GRHL2: variants seen among roughly 807,000 people sequenced by gnomAD.
The protein encoded by GRHL2 is grainyhead like transcription factor 2.
In GRHL2, 21 loss-of-function variants were observed where a neutral mutation model predicts 83.8. The ratio of observed to expected loss-of-function variants is 0.25; its 90% CI spans 0.18 to 0.36. The LOEUF (loss-of-function observed/expected upper bound fraction) is 0.36, where lower values mean the gene tolerates loss of function less well. Among genes scored for constraint, GRHL2 ranks in the 10% least tolerant of loss-of-function variants. The pLI is 1.00. For synonymous variants in GRHL2, 280 were observed against 278.9 expected, an observed-to-expected ratio of 1.00 and a Z score of -0.04; for missense variants, 623 against 781.8, an observed-to-expected ratio of 0.80 and a Z score of 2.42.
intron 7 of GRHL2, among the ~76,000 whole-genome samples, chr8:101,591,319 CTT>C (rs1430924342): frequency 6.6e-6 from 1 of 152,174 alleles, no homozygotes; most frequent in Admixed American, 6.5e-5. Flanking sequence ...ACTGACACCT[CTT>C]GTTTTCTTAG....
At chr8:101,500,370 A>AG (rs1406185976) in intron 1 of GRHL2, among the ~76,000 whole-genome samples, 5 of 152,064 alleles carry the variant, frequency 3.3e-5, no homozygotes, top group Non-Finnish European at 7.4e-5. Flanking sequence ...CTGCCTGCAT[A>AG]GTTTCTTCCT....
At chr8:101,626,999 G>A (rs2130387345) in intron 9 of GRHL2, among the ~76,000 whole-genome samples, 1 of 152,094 alleles carries the variant, frequency 6.6e-6, no homozygotes, top group East Asian at 1.9e-4. Context: ...CTGATAGCTG[G>A]GCATTCTGGG....
chr8:101,601,212 C>A (rs5010125), intron 8 of GRHL2, among the ~76,000 whole-genome samples: 20,067 of 149,904 alleles, frequency 0.13, 1,483 homozygotes, highest in Non-Finnish European at 0.17. Context: ...ACCACCACCA[C>A]CACCAACAAC....
chr8:101,519,458 G>A (rs1006872216), intron 1 of GRHL2, among the ~76,000 whole-genome samples: 2 of 151,780 alleles, frequency 1.3e-5, no homozygotes, highest in African/African-American at 4.8e-5. Flanking sequence ...GAGTCCAGTG[G>A]TGTGATCATA....
At chr8:101,618,605 G>A (rs926965124) in intron 8 of GRHL2, among the ~76,000 whole-genome samples, 1 of 151,878 alleles carries the variant, frequency 6.6e-6, no homozygotes, top group Non-Finnish European at 1.5e-5. Flanking sequence ...TGTTACAGCT[G>A]GAGCTAAAAC....
chr8:101,642,625 A>G (rs36094595), intron 12 of GRHL2, among the ~76,000 whole-genome samples: 3 of 152,090 alleles, frequency 2.0e-5, no homozygotes, highest in Admixed American at 6.5e-5. Flanking sequence ...AAAAACTTCA[A>G]TAAGTTACCA....
chr8:101,672,640 A>C (rs1814229045), downstream of GRHL2, among the ~76,000 whole-genome samples: 1 of 150,516 alleles, frequency 6.6e-6, no homozygotes, highest in African/African-American at 2.5e-5. Flanking sequence ...GCAGGATATT[A>C]TCCAGAGAAC....
chr8:101,610,862 G>A (rs1161835611), intron 8 of GRHL2, among the ~76,000 whole-genome samples: 2 of 150,932 alleles, frequency 1.3e-5, no homozygotes, highest in Non-Finnish European at 2.9e-5. Context: ...GGAAGGAAAA[G>A]CAAGTTTATT....
At chr8:101,531,823 G>GGA (rs141915427) in intron 1 of GRHL2, among the ~76,000 whole-genome samples, 1,851 of 151,416 alleles carry the variant, frequency 0.012, 31 homozygotes, top group African/African-American at 0.042. Flanking sequence ...AGGGGGTGGG[G>GGA]GAGAGAGAGA....
At position 101,644,238 on chromosome 8, in the gene GRHL2, C is replaced by T. The variant is rs1813463556; in HGVS notation, c.1612+13C>T. 1 of 1,602,224 alleles carries T rather than the reference C, an allele frequency of 6.2e-7. No homozygotes were observed. The highest frequency in any genetic ancestry group is 2.2e-5 in the East Asian group (1 of 44,702). On this transcript the variant is annotated intron_variant, in intron 13 of 15. Transcript: ENST00000646743. Reference sequence around the variant, plus strand: ...GGGACAAAGCGAGGTATCTCTCCTGCTGGGGCATGCCCTCTCAGAAGGGAT... The same window carrying T: ...GGGACAAAGCGAGGTATCTCTCCTGTTGGGGCATGCCCTCTCAGAAGGGAT...
At position 101,652,588 on chromosome 8, in the gene GRHL2, C is replaced by CTG. The variant is rs1554596889; in HGVS notation, c.1698+3100_1698+3101dup. On this transcript the variant is annotated intron_variant, in intron 14 of 15. Transcript: ENST00000646743. ...GGTGTGTGTGTGGTGTGTGTGGTGT[C>CTG]TGTGTGTGTGTGGTGTGTGTGTGTG... Among the ~76,000 whole-genome samples the CTG allele has an allele frequency of 7.0e-3, 125 of 17,946 alleles. 10 individuals are homozygous for CTG. The highest frequency in any genetic ancestry group is 0.051 in the African/African-American group (116 of 2,276). The allele number at this position is 17,946 out of a possible 152,430, so 11.8% of individuals were successfully genotyped here.
At chr8:101,541,944 A>T (rs1242580924) in intron 1 of GRHL2, among the ~76,000 whole-genome samples, 2 of 152,270 alleles carry the variant, frequency 1.3e-5, no homozygotes, top group Non-Finnish European at 1.5e-5. Flanking sequence ...TGGTCTTTGT[A>T]GCTTGTAGTT....
rs552079947 is a variant in GRHL2, at chr8:101,507,566, G to T, written c.20+14777G>T. On this transcript the variant is annotated intron_variant, in intron 1 of 15. Coordinates refer to ENST00000646743, the MANE Select transcript of GRHL2 (RefSeq NM_024915.4). ...TATACAATTACACTATGTATGAAAA[G>T]ATAAGATAGTGATTTATATACTGTT... 1.6e-3 allele frequency among the ~76,000 whole-genome samples: 238 copies of T among 152,134 alleles called. 2 individuals carry two copies. Among genetic ancestry groups the T allele is most frequent in the African/African-American group, 5.3e-3 (221 of 41,520 alleles).
In GRHL2 at chr8:101,638,844, C is replaced by T. The variant is rs114683261; in HGVS notation, c.1517+1916C>T. On this transcript the variant is annotated intron_variant, in intron 12 of 15. Transcript: ENST00000646743. ...TGTTTAATGAGGCACAATGTGGCGTCACAGAAACAACATTGACTCTGAGCT... is the reference window on the plus strand; with the variant it reads ...TGTTTAATGAGGCACAATGTGGCGTTACAGAAACAACATTGACTCTGAGCT... Among the ~76,000 whole-genome samples, 939 of 152,332 alleles carry T rather than the reference C, an allele frequency of 6.2e-3. 8 individuals carry two copies. The highest frequency in any genetic ancestry group is 0.021 in the African/African-American group (885 of 41,570).
chr8:101,493,891 C>T (rs965072034), intron 1 of GRHL2, among the ~76,000 whole-genome samples: 3 of 151,968 alleles, frequency 2.0e-5, no homozygotes, highest in Non-Finnish European at 2.9e-5. Context: ...CCCCCGCCCT[C>T]GGAAGGCTTT....
chr8:101,550,898 G>A (rs1249384844), intron 2 of GRHL2, among the ~76,000 whole-genome samples: 1 of 152,130 alleles, frequency 6.6e-6, no homozygotes, highest in Admixed American at 6.6e-5. Flanking sequence ...TTAGCATAGT[G>A]TCTTCAGGGT....
At chr8:101,582,234 T>A in intron 7 of GRHL2, among the ~76,000 whole-genome samples, 1 of 25,776 alleles carries the variant, frequency 3.9e-5, no homozygotes, top group Non-Finnish European at 1.1e-4. Flanking sequence ...CAAGACTCCG[T>A]CTCAAAAAAA....
chr8:101,591,672 A>C (rs537023793), intron 7 of GRHL2, among the ~76,000 whole-genome samples: 1 of 152,318 alleles, frequency 6.6e-6, no homozygotes, highest in African/African-American at 2.4e-5. Context: ...GTTACCAGCT[A>C]TGTGATTTTC....
chr8:101,634,915 G>A (rs1813256682), intron 11 of GRHL2, among the ~76,000 whole-genome samples: 1 of 152,182 alleles, frequency 6.6e-6, no homozygotes, highest in Admixed American at 6.5e-5. Context: ...TCACTCGCCT[G>A]ATACTGAAGC....
Sources: allele counts gnomAD v4.1 joint callset (sites outside exome capture counted in the v4.1 genomes callset), GRCh38; gene constraint gnomAD v4.1.1; transcripts MANE v1.5; gene names NCBI Gene and HGNC (gene_info 2026-07-23, HGNC 2026-07-21).